Variants in SNX9 observed in about 807,000 individuals in gnomAD.
SNX9 encodes sorting nexin-9.
Under a neutral mutation model 89.4 loss-of-function variants are expected in SNX9, and 44 were observed. The observed-to-expected ratio is 0.49, with a 90% CI of 0.39 to 0.63. SNX9 has a LOEUF of 0.63. Ranked by LOEUF, SNX9 falls within the 30% of genes least tolerant of loss-of-function variation. SNX9 has a pLI of 0.00. For missense variants in SNX9, 578 were observed against 736.1 expected, an observed-to-expected ratio of 0.79 and a Z score of 2.49; for synonymous variants, 236 against 247.8, an observed-to-expected ratio of 0.95 and a Z score of 0.45.
chr6:157,867,721 T>C, intron 2 of SNX9, 88 bp downstream of exon 2: 1 of 1,046,160 alleles, frequency 9.6e-7, no homozygotes. Context: ...TCGAGTCTGA[T>C]TGTCCCATGT....
rs1001826416 is a variant in SNX9, at chr6:157,841,664, C to T, written c.12+18218C>T. On this transcript the variant is annotated intron_variant, in intron 1 of 17. Coordinates refer to ENST00000392185, the MANE Select transcript of SNX9 (RefSeq NM_016224.5). ...GTCTAAGGCAGGTATCTGTATTAGT[C>T]ATGTTGAGGAACTGGGAGGAGGTGT... is the stretch of plus-strand genomic sequence containing the variant. Among the ~76,000 whole-genome samples, 9 of 152,094 alleles carry T rather than the reference C, an allele frequency of 5.9e-5. 1 individual carries two copies. The highest frequency in any genetic ancestry group is 5.9e-4 in the Admixed American group (9 of 15,276).
intron 16 of SNX9, among the ~76,000 whole-genome samples, chr6:157,940,379 A>G (rs1300710365): frequency 2.0e-5 from 3 of 152,240 alleles, no homozygotes; most frequent in African/African-American, 4.8e-5. Context: ...AGTGAAAGTC[A>G]TTCATTTACT....
chr6:157,865,222 C>A (rs1010258659), intron 1 of SNX9, among the ~76,000 whole-genome samples: 3 of 151,722 alleles, frequency 2.0e-5, no homozygotes, highest in Admixed American at 6.6e-5. Flanking sequence ...GCCTGTAGTC[C>A]CAGCTACTTG....
intron 5 of SNX9, among the ~76,000 whole-genome samples, chr6:157,900,959 C>G (rs967701742): frequency 2.7e-4 from 41 of 152,148 alleles, no homozygotes; most frequent in Admixed American, 2.6e-3. Flanking sequence ...AAGATGAGGG[C>G]GTTTATAGCC....
chr6:157,834,149 GGTTTTTTTTTTTTTTTTTTTT>G (rs1439857262), intron 1 of SNX9, among the ~76,000 whole-genome samples: 5 of 60,068 alleles, frequency 8.3e-5, no homozygotes, highest in African/African-American at 2.7e-4. Flanking sequence ...TGTCCACTGT[GGTTTTTTTTTTTTTTTTTTTT>G]TTTTTTTTTT....
chr6:157,910,130 G>C, intron 9 of SNX9, 105 bp downstream of exon 9: 1 of 851,308 alleles, frequency 1.2e-6, no homozygotes, highest in Non-Finnish European at 2.0e-6. Flanking sequence ...AGAGCAGCAG[G>C]ATGCAGGAGT....
intron 14 of SNX9, 27 bp from the exon 15 acceptor site, chr6:157,937,407 T>C (rs1783947691): frequency 6.5e-7 from 1 of 1,527,792 alleles, no homozygotes; most frequent in Admixed American, 1.7e-5. Flanking sequence ...TCTCTGCCAG[T>C]AACAATCAGC....
chr6:157,898,134 A>G (rs966685288), intron 5 of SNX9, among the ~76,000 whole-genome samples: 42 of 152,362 alleles, frequency 2.8e-4, no homozygotes, highest in African/African-American at 9.9e-4. Flanking sequence ...CCAGATGGCT[A>G]TTTCTTACCT....
chr6:157,940,797 GAT>G, intron 16 of SNX9, 84 bp from the exon 17 acceptor site: 1 of 1,191,574 alleles, frequency 8.4e-7, no homozygotes, highest in South Asian at 1.3e-5. Flanking sequence ...TCAGGTTGAT[GAT>G]TAATTGTAAC....
intron 13 of SNX9, among the ~76,000 whole-genome samples, chr6:157,935,648 G>A (rs939631290): frequency 2.0e-5 from 3 of 152,180 alleles, no homozygotes; most frequent in Non-Finnish European, 2.9e-5. Flanking sequence ...CATTATAGCC[G>A]AATGACAGTC....
At chr6:157,862,779 C>T (rs1782168627) in intron 1 of SNX9, among the ~76,000 whole-genome samples, 1 of 151,924 alleles carries the variant, frequency 6.6e-6, no homozygotes, top group Non-Finnish European at 1.5e-5. Context: ...TTAATAAATA[C>T]AGGTAGTTCT....
intron 1 of SNX9, among the ~76,000 whole-genome samples, chr6:157,835,487 A>G (rs992728100): frequency 2.1e-5 from 3 of 145,946 alleles, no homozygotes; most frequent in Non-Finnish European, 4.5e-5. Flanking sequence ...AACATGGCTC[A>G]TTGAAGCCTT....
chr6:157,895,090 A>T (rs1782951952), intron 4 of SNX9, among the ~76,000 whole-genome samples: 2 of 152,244 alleles, frequency 1.3e-5, no homozygotes. Context: ...GAGCATGTGC[A>T]GTAGGTAAAC....
intron 4 of SNX9, among the ~76,000 whole-genome samples, chr6:157,878,013 T>C (rs1033141553): frequency 6.6e-6 from 1 of 152,236 alleles, no homozygotes; most frequent in Non-Finnish European, 1.5e-5. Flanking sequence ...CTGTGCTGCA[T>C]TTCAGAGTAA....
In SNX9 at chr6:157,887,059, A is replaced by G. The variant is rs75235583; in HGVS notation, c.301-9768A>G. 3.0e-3 allele frequency among the ~76,000 whole-genome samples: 450 copies of G among 152,248 alleles called. 3 individuals are homozygous for G. The highest frequency in any genetic ancestry group is 5.4e-3 in the Non-Finnish European group (365 of 68,020). ...CCTTGCTTCTTTTCATGTCTGATAAATTATGAGTGGATGTCAGACATTGCA... is the reference window on the plus strand; with the variant it reads ...CCTTGCTTCTTTTCATGTCTGATAAGTTATGAGTGGATGTCAGACATTGCA... On this transcript the variant is annotated intron_variant, in intron 4 of 17. Coordinates refer to ENST00000392185, the MANE Select transcript of SNX9 (RefSeq NM_016224.5).
intron 1 of SNX9, among the ~76,000 whole-genome samples, chr6:157,861,482 G>C (rs1027888427): frequency 5.9e-5 from 9 of 152,226 alleles, no homozygotes; most frequent in African/African-American, 2.2e-4. Context: ...AGATAAGGGA[G>C]AATTGGATGA....
intron 1 of SNX9, among the ~76,000 whole-genome samples, chr6:157,827,764 C>G (rs1367180924): frequency 6.6e-6 from 1 of 150,782 alleles, no homozygotes; most frequent in African/African-American, 2.4e-5. Context: ...GCTGTAATTT[C>G]TACGTCAAAG....
chr6:157,871,773 C>CTTTT (rs750179923), intron 2 of SNX9, among the ~76,000 whole-genome samples: 5 of 122,216 alleles, frequency 4.1e-5, no homozygotes, highest in East Asian at 2.2e-4. Context: ...TCAGTCTTAC[C>CTTTT]TTTTTTTTTT....
At chr6:157,843,504 G>A (rs1278895288) in intron 1 of SNX9, among the ~76,000 whole-genome samples, 1 of 152,228 alleles carries the variant, frequency 6.6e-6, no homozygotes, top group African/African-American at 2.4e-5. Context: ...AGAGCATTAG[G>A]CCTTCATCCT....
Sources: allele counts gnomAD v4.1 joint callset (sites outside exome capture counted in the v4.1 genomes callset), GRCh38; gene constraint gnomAD v4.1.1; transcripts MANE v1.5; gene names NCBI Gene and HGNC (gene_info 2026-07-23, HGNC 2026-07-21).